Variants in NLGN1 observed in about 807,000 individuals in gnomAD.
The protein encoded by NLGN1 is neuroligin-1.
Under a neutral mutation model 65.5 loss-of-function variants are expected in NLGN1, and 12 were observed. That is an observed-to-expected ratio of 0.18 (90% CI 0.12 to 0.30). The LOEUF (loss-of-function observed/expected upper bound fraction) is 0.30. Among genes scored for constraint, NLGN1 ranks in the 10% least tolerant of loss-of-function variants. The pLI, the probability that NLGN1 is intolerant of heterozygous loss-of-function variation, is 1.00. For synonymous variants in NLGN1, 350 were observed against 359.5 expected (o/e 0.97, Z 0.30); for missense variants, 750 against 1,007.1 (o/e 0.74, Z 3.46).
intron 4 of NLGN1, among the ~76,000 whole-genome samples, chr3:173,828,199 A>T (rs1721751445): frequency 6.6e-6 from 1 of 152,186 alleles, no homozygotes; most frequent in South Asian, 2.1e-4. Context: ...ATATAATAGC[A>T]TAATTTGAGT....
chr3:173,461,853 C>T (rs543789195), intron 2 of NLGN1, among the ~76,000 whole-genome samples: 3 of 152,180 alleles, frequency 2.0e-5, no homozygotes, highest in Admixed American at 1.3e-4. Context: ...TGTCTTACTA[C>T]TTAGTAGCTG....
At chr3:173,581,324 C>T (rs1173963560) in intron 2 of NLGN1, among the ~76,000 whole-genome samples, 1 of 151,954 alleles carries the variant, frequency 6.6e-6, no homozygotes, top group Admixed American at 6.6e-5. Context: ...TTCATATCAA[C>T]AAAGTCTTCT....
chr3:173,900,061 C>T (rs959591255), intron 4 of NLGN1, among the ~76,000 whole-genome samples: 2 of 152,048 alleles, frequency 1.3e-5, no homozygotes, highest in African/African-American at 2.4e-5. Flanking sequence ...TTCTGCTTCT[C>T]CTCACCAGAA....
intron 4 of NLGN1, among the ~76,000 whole-genome samples, chr3:174,203,366 A>G (rs1734846466): frequency 6.6e-6 from 1 of 152,210 alleles, no homozygotes; most frequent in South Asian, 2.1e-4. Context: ...GGAAGTATTC[A>G]TTCCTTCTGT....
chr3:173,662,881 T>G (rs987165853), intron 3 of NLGN1, among the ~76,000 whole-genome samples: 1 of 151,976 alleles, frequency 6.6e-6, no homozygotes, highest in South Asian at 2.1e-4. Context: ...AACAGTATAC[T>G]TTTCCATAGG....
At chr3:173,457,581 A>G (rs926692935) in intron 2 of NLGN1, among the ~76,000 whole-genome samples, 59 of 152,234 alleles carry the variant, frequency 3.9e-4, no homozygotes, top group African/African-American at 1.4e-3. Context: ...ATGTGATCCT[A>G]TCTATATTTA....
At chr3:173,655,499 T>C (rs752855483) in intron 3 of NLGN1, among the ~76,000 whole-genome samples, 1 of 152,038 alleles carries the variant, frequency 6.6e-6, no homozygotes, top group Non-Finnish European at 1.5e-5. Flanking sequence ...TATGTTATCA[T>C]TTTGAGCTAC....
At position 173,921,270 on chromosome 3, in the gene NLGN1, G is replaced by A. The variant is rs1741965813; in HGVS notation, c.646+113438G>A. Among the ~76,000 whole-genome samples, 10 of 146,050 alleles carry A rather than the reference G, an allele frequency of 6.8e-5. No homozygotes were observed. The South Asian group carries it at 2.1e-3, about 31-fold the overall frequency. Reference sequence around the variant, plus strand: ...ATATATGTAGTATATATAATATATAGCATTATTATACATTTAATATATATT... The same window carrying A: ...ATATATGTAGTATATATAATATATAACATTATTATACATTTAATATATATT... On this transcript the variant is annotated intron_variant, in intron 4 of 6. Coordinates refer to ENST00000457714, the Ensembl canonical transcript of NLGN1.
At chr3:174,197,869 T>C (rs2152770020) in intron 4 of NLGN1, among the ~76,000 whole-genome samples, 1 of 152,104 alleles carries the variant, frequency 6.6e-6, no homozygotes, top group East Asian at 1.9e-4. Flanking sequence ...ATATTTACTG[T>C]AGAACACTTG....
At chr3:174,085,530 G>T (rs572519189) in intron 4 of NLGN1, among the ~76,000 whole-genome samples, 2 of 151,994 alleles carry the variant, frequency 1.3e-5, no homozygotes, top group Admixed American at 1.3e-4. Context: ...AAAATATATA[G>T]ATCTTCCCTT....
At chr3:173,523,455 T>A (rs902588483) in intron 2 of NLGN1, among the ~76,000 whole-genome samples, 2 of 151,800 alleles carry the variant, frequency 1.3e-5, no homozygotes, top group African/African-American at 4.8e-5. Flanking sequence ...AAGGATCCAA[T>A]TTTATTCTTT....
At chr3:173,590,269 T>C (rs1050754163) in intron 2 of NLGN1, among the ~76,000 whole-genome samples, 2 of 152,142 alleles carry the variant, frequency 1.3e-5, no homozygotes, top group African/African-American at 2.4e-5. Flanking sequence ...TCCAACACTT[T>C]ACACATAAGT....
intron 2 of NLGN1, among the ~76,000 whole-genome samples, chr3:173,482,613 A>G (rs564490635): frequency 2.8e-4 from 43 of 151,864 alleles, no homozygotes; most frequent in African/African-American, 1.0e-3. Context: ...TTTTTTGAAC[A>G]TTTCTCTCGG....
chr3:174,129,898 A>G (rs1157302475), intron 4 of NLGN1, among the ~76,000 whole-genome samples: 1 of 152,240 alleles, frequency 6.6e-6, no homozygotes. Flanking sequence ...TTTCAAATGA[A>G]CAATATCTTT....
At chr3:173,974,135 T>A (rs2152380194) in intron 4 of NLGN1, among the ~76,000 whole-genome samples, 1 of 151,500 alleles carries the variant, frequency 6.6e-6, no homozygotes, top group African/African-American at 2.4e-5. Context: ...TTAAAGTTAA[T>A]AAAAGTCTCA....
intron 3 of NLGN1, among the ~76,000 whole-genome samples, chr3:173,728,513 G>GC (rs748410330): frequency 3.3e-5 from 5 of 151,794 alleles, no homozygotes; most frequent in South Asian, 2.1e-4. Flanking sequence ...GTTGAATAGT[G>GC]CCCCCCCTCC....
intron 4 of NLGN1, among the ~76,000 whole-genome samples, chr3:174,063,899 A>AATAG (rs1219908712): frequency 6.6e-6 from 1 of 152,024 alleles, no homozygotes; most frequent in Non-Finnish European, 1.5e-5. Flanking sequence ...TAAATAAATA[A>AATAG]AAACAAGGGG....
At chr3:174,025,801 G>A (rs1179280001) in intron 4 of NLGN1, among the ~76,000 whole-genome samples, 5 of 152,166 alleles carry the variant, frequency 3.3e-5, no homozygotes, top group Non-Finnish European at 7.3e-5. Context: ...TGTCACTGTA[G>A]AGATGTATTT....
At chr3:173,535,261 A>G (rs183948151) in intron 2 of NLGN1, among the ~76,000 whole-genome samples, 1,538 of 152,358 alleles carry the variant, frequency 0.01, 15 homozygotes, top group Non-Finnish European at 0.015. Flanking sequence ...ACAATGAGCT[A>G]TGAAATATAG....
Sources: gnomAD v4.1 joint callset for allele counts (sites outside exome capture counted in the v4.1 genomes callset) on GRCh38, gnomAD v4.1.1 for gene constraint, MANE v1.5 for transcripts, NCBI Gene and HGNC (gene_info 2026-07-23, HGNC 2026-07-21) for gene names.